LAMA3: variants seen among roughly 807,000 people sequenced by gnomAD.
LAMA3 encodes the protein laminin subunit alpha 3.
LAMA3 carries 281 observed loss-of-function variants against 402.0 expected under a neutral mutation model. The observed-to-expected ratio is 0.70, with a 90% CI of 0.63 to 0.77. The LOEUF (loss-of-function observed/expected upper bound fraction) is 0.77, where lower values mean the gene tolerates loss of function less well. LAMA3 is among the 30% of genes least tolerant of loss of function. The probability of loss-of-function intolerance (pLI) is 0.00; values close to 1 mark genes in which losing one functional copy is unlikely to be tolerated. For missense variants in LAMA3, 3,840 were observed against 4,215.5 expected (o/e 0.91, Z 2.47); for synonymous variants, 1,431 against 1,558.4 (o/e 0.92, Z 1.93).
Position 23,816,425 on chromosome 18 carries a change from G to A in LAMA3, c.2085G>A (p.Met695Ile). Residue 695 changes from methionine to isoleucine, a missense_variant, in exon 18 of 75, where the codon ATG becomes ATA. Around this residue, in one of 3 missense-constraint regions of LAMA3, gnomAD observed 2,109 missense variants for 2,376.0 expected, o/e 0.89. Coordinates refer to ENST00000313654, the MANE Select transcript of LAMA3 (RefSeq NM_198129.4). ...QCDIGGALSS[M>I]CSGPSGVCQC... ...ACATTGGTGGGGCATTGTCCTCCAT[G>A]TGCAGTGGGCCCTCGGGAGTGTGCC... 6.2e-7 allele frequency: 1 copy of A among 1,614,104 alleles called. No homozygotes were observed.
Position 23,907,655 on chromosome 18 carries a change from G to A in LAMA3, c.6824G>A (p.Gly2275Glu). The A allele has an allele frequency of 6.2e-7, 1 of 1,612,430 alleles. No individual in the cohort carries two copies. Residue 2275 changes from glycine to glutamate, a missense_variant, in exon 53 of 75, where the codon GGG becomes GAG. This residue lies in a region of LAMA3 where 891 missense variants were observed against 857.5 expected (regional missense o/e 1.04). Transcript: ENST00000313654. ...NLTTLRDGLH[G>E]IQRGDIDAMI... ...ACAACTCTCCGAGATGGTCTTCATG[G>A]GATACAGAGAGGTCAGCATCTTCCT...
chr18:23,818,771 A>G (rs78636588), intron 18 of LAMA3, among the ~76,000 whole-genome samples: 177 of 152,124 alleles, frequency 1.2e-3, no homozygotes, highest in African/African-American at 4.1e-3. Flanking sequence ...TTAGCATTCT[A>G]TTTTTTCATA....
chr18:23,823,324 C>T (rs2063323283), intron 20 of LAMA3, among the ~76,000 whole-genome samples: 1 of 152,236 alleles, frequency 6.6e-6, no homozygotes, highest in Non-Finnish European at 1.5e-5. Context: ...TGTTTGTAGA[C>T]AAAGTCTTCA....
At chr18:23,915,566 A>T in intron 59 of LAMA3, 144 bp downstream of exon 59, 2 of 753,632 alleles carry the variant, frequency 2.7e-6, no homozygotes, top group Non-Finnish European at 4.7e-6. Context: ...GTATGTGTGC[A>T]TGCAACACTG....
chr18:23,937,429 A>G (rs184509284), intron 67 of LAMA3, among the ~76,000 whole-genome samples: 3 of 151,986 alleles, frequency 2.0e-5, no homozygotes, highest in African/African-American at 7.2e-5. Context: ...TAGGCACTAG[A>G]AATGAAAAGG....
At chr18:23,815,875 A>G (rs1490863850) in intron 17 of LAMA3, among the ~76,000 whole-genome samples, 1 of 152,174 alleles carries the variant, frequency 6.6e-6, no homozygotes. Flanking sequence ...TTAAAGATAT[A>G]TTTTATATTA....
chr18:23,851,093 G>C (rs1490172169), intron 32 of LAMA3, among the ~76,000 whole-genome samples: 3 of 152,196 alleles, frequency 2.0e-5, no homozygotes, highest in African/African-American at 7.2e-5. Flanking sequence ...GAACAGAAGG[G>C]CTTCCAGCTA....
At chr18:23,845,788 T>C (rs2063800992) in intron 30 of LAMA3, among the ~76,000 whole-genome samples, 1 of 152,206 alleles carries the variant, frequency 6.6e-6, no homozygotes, top group African/African-American at 2.4e-5. Context: ...GCCTTGGGAA[T>C]GTCACCTAAC....
intron 37 of LAMA3, among the ~76,000 whole-genome samples, chr18:23,869,369 G>GCAT (rs1428484990): frequency 6.6e-6 from 1 of 152,236 alleles, no homozygotes; most frequent in African/African-American, 2.4e-5. Flanking sequence ...GAGACAGAAT[G>GCAT]TAGATTAGTG....
In LAMA3 at chr18:23,839,793, G is replaced by A. The variant is rs779382290; in HGVS notation, c.3200G>A (p.Cys1067Tyr). The change falls in exon 27 of 75, where the codon TGT (cysteine) becomes TAT (tyrosine). Residue 1067 changes from cysteine to tyrosine, a missense_variant. Around this residue, in one of 3 missense-constraint regions of LAMA3, gnomAD observed 2,109 missense variants for 2,376.0 expected, o/e 0.89. Transcript: ENST00000313654. The surrounding 1 kb of genome is among the most constrained non-coding windows in gnomAD (Gnocchi z 4.5). ...YGRFVNQSAT[C>Y]VSLAHETPPT... ...AATATTCTATTTTTCAGTGCCACCTGTGTCTCCTTGGCCCATGAAACTCCT... is the reference window on the plus strand; with the variant it reads ...AATATTCTATTTTTCAGTGCCACCTATGTCTCCTTGGCCCATGAAACTCCT... 5.6e-6 allele frequency: 9 copies of A among 1,614,142 alleles called. No homozygotes were observed. The East Asian group carries it at 1.8e-4, about 32-fold the overall frequency.
At chr18:23,825,116 C>T (rs1027753818) in intron 21 of LAMA3, among the ~76,000 whole-genome samples, 1 of 152,224 alleles carries the variant, frequency 6.6e-6, no homozygotes, top group Non-Finnish European at 1.5e-5. Flanking sequence ...CTCCATGACA[C>T]TCTTTCTGCT....
At chr18:23,828,474 A>G (rs748994292) in intron 23 of LAMA3, among the ~76,000 whole-genome samples, 20 of 152,144 alleles carry the variant, frequency 1.3e-4, no homozygotes, top group Admixed American at 4.6e-4. Flanking sequence ...ATCCCTCCCT[A>G]CACATGCTAT....
rs565779522 is a variant in LAMA3, at chr18:23,954,107, T to C, written c.9857-396T>C. On this transcript the variant is annotated intron_variant, in intron 74 of 74. Transcript: ENST00000313654. ...GTGAAGTCACTTTAGCTTTCTCCAC[T>C]AAGACTATCTTTTGCCTGGCATGGT... Among the ~76,000 whole-genome samples, 14 of 152,248 alleles carry C rather than the reference T, an allele frequency of 9.2e-5. No individual in the cohort carries two copies. The South Asian group carries it at 2.7e-3, about 29-fold the overall frequency.
chr18:23,732,146 C>G (rs1272734041), intron 2 of LAMA3, among the ~76,000 whole-genome samples: 1 of 152,082 alleles, frequency 6.6e-6, no homozygotes, highest in African/African-American at 2.4e-5. Flanking sequence ...GTGGCTGTGC[C>G]GGTAGATCCT....
intron 12 of LAMA3, among the ~76,000 whole-genome samples, chr18:23,797,748 G>C (rs2062793554): frequency 6.6e-6 from 1 of 152,042 alleles, no homozygotes; most frequent in South Asian, 2.1e-4. Context: ...CTTCTTTAAA[G>C]AGAATTTTAA....
chr18:23,899,191 T>G, intron 46 of LAMA3, 97 bp from the exon 47 acceptor site: 1 of 1,298,582 alleles, frequency 7.7e-7, no homozygotes, highest in Non-Finnish European at 1.1e-6. Context: ...AAAAAACTAA[T>G]ATAAAATCTC....
chr18:23,761,370 C>T (rs946582618), intron 7 of LAMA3, among the ~76,000 whole-genome samples: 7 of 152,164 alleles, frequency 4.6e-5, no homozygotes, highest in East Asian at 1.9e-4. Flanking sequence ...TATTCCCATA[C>T]GATTACCATA....
chr18:23,902,367 G>A (rs1398604427), intron 48 of LAMA3, among the ~76,000 whole-genome samples: 5 of 151,884 alleles, frequency 3.3e-5, no homozygotes, highest in African/African-American at 9.7e-5. Flanking sequence ...AAATATGAGC[G>A]GTTTTATAGG....
chr18:23,821,889 C>G (rs773209488), intron 19 of LAMA3, among the ~76,000 whole-genome samples: 14 of 152,136 alleles, frequency 9.2e-5, no homozygotes, highest in Non-Finnish European at 1.8e-4. Flanking sequence ...TTCTCTTCTG[C>G]CTTTTTATTT....
Sources: gnomAD v4.1 joint callset for allele counts (sites outside exome capture counted in the v4.1 genomes callset) on GRCh38, gnomAD v4.1.1 for gene constraint, gnomAD v4.1.1 regional missense constraint, Gnocchi (gnomAD v3.1) non-coding constraint, MANE v1.5 for transcripts, NCBI Gene and HGNC (gene_info 2026-07-23, HGNC 2026-07-21) for gene names.